Variants in FHIT observed in about 807,000 individuals in gnomAD.
FHIT encodes bis(5'-adenosyl)-triphosphatase.
Under a neutral mutation model 17.9 loss-of-function variants are expected in FHIT, and 19 were observed. That is an observed-to-expected ratio of 1.06 (90% CI 0.74 to 1.56). The LOEUF (loss-of-function observed/expected upper bound fraction) is 1.56. Ranked by LOEUF, FHIT falls within the 40% of genes most tolerant of loss-of-function variation. FHIT has a pLI of 0.00. For synonymous variants in FHIT, 81 were observed against 69.7 expected (o/e 1.16, Z -0.81); for missense variants, 248 against 189.2 (o/e 1.31, Z -1.82).
At chr3:59,751,558 A>G (rs1317126386) in intron 9 of FHIT, 1 of 217,884 alleles carries the variant, frequency 4.6e-6, no homozygotes, top group African/African-American at 2.2e-5. Context: ...GAGTAGAAGC[A>G]TTTTGACAAG....
At chr3:61,202,489 A>G (rs972049559) in intron 1 of FHIT, among the ~76,000 whole-genome samples, 3 of 146,100 alleles carry the variant, frequency 2.1e-5, no homozygotes, top group African/African-American at 7.5e-5. Context: ...CATTTTTGAC[A>G]TTAAAGTTTA....
At chr3:60,713,664 A>G (rs1228299720) in intron 4 of FHIT, among the ~76,000 whole-genome samples, 3 of 152,240 alleles carry the variant, frequency 2.0e-5, no homozygotes, top group Non-Finnish European at 4.4e-5. Flanking sequence ...ATGCAAATAA[A>G]CTAGAAAATC....
intron 7 of FHIT, among the ~76,000 whole-genome samples, chr3:59,951,789 C>T (rs1203521634): frequency 1.3e-5 from 2 of 152,170 alleles, no homozygotes; most frequent in African/African-American, 4.8e-5. Context: ...CATCACCCCA[C>T]CAGCCCAGCA....
intron 4 of FHIT, among the ~76,000 whole-genome samples, chr3:60,612,750 T>G (rs533898212): frequency 1.3e-5 from 2 of 152,254 alleles, no homozygotes; most frequent in Non-Finnish European, 2.9e-5. Context: ...TTATAAGAAC[T>G]TTGAGACTAG....
chr3:59,887,427 C>T (rs17061342), intron 8 of FHIT, among the ~76,000 whole-genome samples: 1 of 152,066 alleles, frequency 6.6e-6, no homozygotes, highest in African/African-American at 2.4e-5. Flanking sequence ...TTTAAGCGCA[C>T]AGGTAATGAG....
chr3:60,394,009 C>T (rs550928557), intron 5 of FHIT, among the ~76,000 whole-genome samples: 41 of 151,944 alleles, frequency 2.7e-4, no homozygotes, highest in African/African-American at 7.7e-4. Flanking sequence ...GGAGAATGGA[C>T]GGGAAAGAAA....
Position 60,554,023 on chromosome 3 carries a change from G to A in FHIT, c.-17-17044C>T, listed in dbSNP as rs111239353. 1.8e-3 allele frequency among the ~76,000 whole-genome samples: 278 copies of A among 152,168 alleles called. 1 individual carries two copies. Among genetic ancestry groups the A allele is most frequent in the African/African-American group, 6.4e-3 (265 of 41,530 alleles). On this transcript the variant is annotated intron_variant, in intron 4 of 9. Coordinates refer to ENST00000492590, the MANE Select transcript of FHIT (RefSeq NM_002012.4). ...AATCGCTTGAACCCAGTGGGCAGAG[G>A]TTGCAGTGAGCCAAGATTGTGCTGC...
At chr3:60,416,368 A>G (rs1489602748) in intron 5 of FHIT, among the ~76,000 whole-genome samples, 1 of 152,174 alleles carries the variant, frequency 6.6e-6, no homozygotes, top group Non-Finnish European at 1.5e-5. Flanking sequence ...ATTTTTTCCT[A>G]TTGATTCTAC....
intron 3 of FHIT, among the ~76,000 whole-genome samples, chr3:60,899,438 C>A (rs1414501684): frequency 6.6e-6 from 1 of 152,132 alleles, no homozygotes; most frequent in Non-Finnish European, 1.5e-5. Flanking sequence ...CCTACATAAG[C>A]TTTATTCTCT....
intron 5 of FHIT, among the ~76,000 whole-genome samples, chr3:60,271,739 C>G (rs917319322): frequency 1.3e-5 from 2 of 152,146 alleles, no homozygotes; most frequent in African/African-American, 4.8e-5. Flanking sequence ...TGATCCTTCC[C>G]TTCCATGTTA....
chr3:60,441,716 A>ATATATTTGTATTTATATATATATATT (rs1553772777), intron 5 of FHIT, among the ~76,000 whole-genome samples: 4 of 105,728 alleles, frequency 3.8e-5, no homozygotes, highest in Non-Finnish European at 7.7e-5. Context: ...ATATATATAT[A>ATATATTTGTATTTATATATATATATT]TATATATTTG....
chr3:60,437,054 C>T (rs2030329207), intron 5 of FHIT, among the ~76,000 whole-genome samples: 2 of 152,098 alleles, frequency 1.3e-5, no homozygotes, highest in African/African-American at 4.8e-5. Flanking sequence ...ATTATGTTTT[C>T]AATCTCTTCC....
At chr3:60,150,293 G>A (rs537600932) in intron 5 of FHIT, among the ~76,000 whole-genome samples, 4 of 152,124 alleles carry the variant, frequency 2.6e-5, no homozygotes, top group South Asian at 2.1e-4. Context: ...CACTGTGCCC[G>A]GCCTGCCTTT....
chr3:60,554,357 C>T (rs241667), intron 4 of FHIT, among the ~76,000 whole-genome samples: 96,949 of 151,960 alleles, frequency 0.64, 31,795 homozygotes, highest in African/African-American at 0.79. Context: ...AGAGGAGAAT[C>T]AGAAGTTGAA....
intron 5 of FHIT, among the ~76,000 whole-genome samples, chr3:60,077,206 G>T (rs1307522244): frequency 6.6e-6 from 1 of 151,964 alleles, no homozygotes; most frequent in East Asian, 1.9e-4. Flanking sequence ...AGGATTGAAA[G>T]CATCACCGTG....
At chr3:61,203,737 G>A (rs1355658881) in intron 1 of FHIT, among the ~76,000 whole-genome samples, 2 of 152,178 alleles carry the variant, frequency 1.3e-5, no homozygotes. Flanking sequence ...AAAGAAGGGG[G>A]TAATAAATTG....
At chr3:61,112,874 C>T (rs1000516938) in intron 2 of FHIT, among the ~76,000 whole-genome samples, 10 of 152,104 alleles carry the variant, frequency 6.6e-5, no homozygotes, top group African/African-American at 2.4e-4. Context: ...CAAAATTTAC[C>T]AAACAAACAG....
intron 7 of FHIT, among the ~76,000 whole-genome samples, chr3:59,992,422 T>C (rs1699319714): frequency 6.6e-6 from 1 of 152,112 alleles, no homozygotes; most frequent in South Asian, 2.1e-4. Flanking sequence ...GATATTTCAA[T>C]TGGACCGATA....
At chr3:59,819,252 T>C (rs17061232) in intron 8 of FHIT, among the ~76,000 whole-genome samples, 10,407 of 152,294 alleles carry the variant, frequency 0.068, 548 homozygotes, top group East Asian at 0.19. Flanking sequence ...TATGCTCTTA[T>C]GGTCTTTGCC....
Sources: gnomAD v4.1 joint callset for allele counts (sites outside exome capture counted in the v4.1 genomes callset) on GRCh38, gnomAD v4.1.1 for gene constraint, MANE v1.5 for transcripts, NCBI Gene and HGNC (gene_info 2026-07-23, HGNC 2026-07-21) for gene names.